The following SEMA5B variants were observed in gnomAD, a reference collection of about 807,000 sequenced individuals.
SEMA5B encodes semaphorin-5B.
A neutral mutation model predicts 135.0 loss-of-function variants in SEMA5B; 66 were observed. That is an observed-to-expected ratio of 0.49 (90% CI 0.40 to 0.60). SEMA5B has a LOEUF of 0.60. Ranked by LOEUF, SEMA5B falls within the 20% of genes least tolerant of loss-of-function variation. SEMA5B has a pLI of 0.00. For missense variants in SEMA5B, 1,501 were observed against 1,566.3 expected (o/e 0.96, Z 0.70); for synonymous variants, 690 against 639.5 (o/e 1.08, Z -1.19).
At chr3:122,916,420 G>T (rs991962466) in intron 12 of SEMA5B, among the ~76,000 whole-genome samples, 1 of 152,062 alleles carries the variant, frequency 6.6e-6, no homozygotes, top group African/African-American at 2.4e-5. Flanking sequence ...ACCAATACCC[G>T]AGCCCACCCC....
At chr3:122,956,310 T>TGAATGCACGCGCATGTGTGTGAGA (rs1940300471) in intron 2 of SEMA5B, among the ~76,000 whole-genome samples, 1 of 152,208 alleles carries the variant, frequency 6.6e-6, no homozygotes, top group Non-Finnish European at 1.5e-5. Flanking sequence ...TGGAGGCGTG[T>TGAATGCACGCGCATGTGTGTGAGA]GAATGCACGC....
At chr3:122,980,456 G>C (rs1274100102) in intron 1 of SEMA5B, among the ~76,000 whole-genome samples, 3 of 127,222 alleles carry the variant, frequency 2.4e-5, no homozygotes, top group African/African-American at 1.1e-4. Context: ...GTGAAAAGCC[G>C]TGTCAAAAAA....
intron 1 of SEMA5B, among the ~76,000 whole-genome samples, chr3:123,012,323 C>T (rs978231451): frequency 2.0e-5 from 3 of 152,196 alleles, no homozygotes; most frequent in Admixed American, 2.0e-4. Context: ...CTTCTTATGC[C>T]TTCTCCCCCA....
chr3:122,946,408 C>G (rs913033610), intron 3 of SEMA5B, among the ~76,000 whole-genome samples: 6 of 152,116 alleles, frequency 3.9e-5, no homozygotes, highest in African/African-American at 1.4e-4. Flanking sequence ...GAGGGAAACT[C>G]ACAGTTACAA....
intron 1 of SEMA5B, among the ~76,000 whole-genome samples, chr3:123,005,095 CCTT>C (rs1445628850): frequency 6.6e-6 from 1 of 152,158 alleles, no homozygotes; most frequent in East Asian, 1.9e-4. Flanking sequence ...AGCACTCACT[CCTT>C]CTAGGGATGA....
rs185218900 is a variant in SEMA5B, at chr3:122,940,956, C to T, written c.429-1486G>A. Reference sequence around the variant, plus strand: ...ACAAATTAGGGGAAACATTGCATCACTTTATTCATTTTTATCCCATCAAAA... The same window carrying T: ...ACAAATTAGGGGAAACATTGCATCATTTTATTCATTTTTATCCCATCAAAA... On this transcript the variant is annotated intron_variant, in intron 4 of 22. Coordinates refer to ENST00000357599, the MANE Select transcript of SEMA5B (RefSeq NM_001031702.4). Among the ~76,000 whole-genome samples the T allele has an allele frequency of 3.1e-4, 47 of 152,332 alleles. 1 individual carries two copies. The South Asian group carries it at 9.1e-3, about 30-fold the overall frequency.
In SEMA5B at chr3:122,948,020, T is replaced by C. The variant is rs186278120; in HGVS notation, c.328+486A>G. Among the ~76,000 whole-genome samples, 17 of 152,310 alleles carry C rather than the reference T, an allele frequency of 1.1e-4. No individual in the cohort carries two copies. In the East Asian group the frequency reaches 2.7e-3, roughly 24 times the overall value. ...GATCCCAGTTTGGGAAACACTTTCA[T>C]AGGACTTTCTCATACCCTCCCTTGA... On this transcript the variant is annotated intron_variant, in intron 3 of 22. Coordinates refer to ENST00000357599, the MANE Select transcript of SEMA5B (RefSeq NM_001031702.4).
intron 1 of SEMA5B, among the ~76,000 whole-genome samples, chr3:122,988,847 G>T (rs1405166225): frequency 6.6e-6 from 1 of 152,262 alleles, no homozygotes; most frequent in Non-Finnish European, 1.5e-5. Flanking sequence ...CGAAGCCAGA[G>T]ACACATCACC....
chr3:122,979,579 A>ATGGCAGCCTTAAGGGAGAGGGGGAT (rs1204766226), intron 1 of SEMA5B, among the ~76,000 whole-genome samples: 1 of 152,124 alleles, frequency 6.6e-6, no homozygotes, highest in East Asian at 1.9e-4. Context: ...ATGTTACCCT[A>ATGGCAGCCTTAAGGGAGAGGGGGAT]TGGCAGCCTT....
chr3:122,918,469 T>C (rs921094094), intron 12 of SEMA5B, among the ~76,000 whole-genome samples: 6 of 152,212 alleles, frequency 3.9e-5, no homozygotes, highest in Non-Finnish European at 8.8e-5. Context: ...AACTCTGCTG[T>C]GTACCCATGG....
At chr3:122,956,435 T>C (rs1940308737) in intron 2 of SEMA5B, among the ~76,000 whole-genome samples, 1 of 152,150 alleles carries the variant, frequency 6.6e-6, no homozygotes, top group Non-Finnish European at 1.5e-5. Context: ...GAGGGTTTGC[T>C]GTAACAGGGG....
At chr3:123,000,687 G>A (rs1576401733) in intron 1 of SEMA5B, among the ~76,000 whole-genome samples, 1 of 152,206 alleles carries the variant, frequency 6.6e-6, no homozygotes, top group African/African-American at 2.4e-5. Context: ...CAAACCTACT[G>A]TGACTCCAGC....
chr3:122,964,830 G>A (rs1940749641), intron 1 of SEMA5B, among the ~76,000 whole-genome samples: 2 of 152,166 alleles, frequency 1.3e-5, no homozygotes, highest in Non-Finnish European at 1.5e-5. Context: ...GCCACTCAGG[G>A]TGACAGAGCC....
intron 2 of SEMA5B, among the ~76,000 whole-genome samples, chr3:122,955,180 A>G (rs924624689): frequency 1.3e-5 from 2 of 151,868 alleles, no homozygotes; most frequent in African/African-American, 2.4e-5. Flanking sequence ...ATGCTAAGCT[A>G]GGTGGAACCT....
chr3:122,915,781 C>A lies in SEMA5B; in HGVS notation c.1798G>T (p.Ala600Ser), dbSNP rs778780943. The A allele has an allele frequency of 3.7e-6, 6 of 1,613,808 alleles. No individual in the cohort carries two copies. Among genetic ancestry groups the A allele is most frequent in the Non-Finnish European group, 4.2e-6 (5 of 1,179,744 alleles). The change falls in exon 13 of 23, where the codon GCC becomes TCC. Residue 600 changes from alanine to serine, a missense_variant. Transcript: ENST00000357599. The stretch of plus-strand genomic sequence containing the variant: ...CACAAGGGGATTCTCACAGGACAGG[C>A]GGTGATGTTCTGGGTCCAGAGGCTC... ...NMSLWTQNITACPVRNVTRDG... is the reference protein window; with the variant it reads ...NMSLWTQNITSCPVRNVTRDG...
intron 1 of SEMA5B, among the ~76,000 whole-genome samples, chr3:122,985,459 G>A (rs566201144): frequency 9.9e-5 from 15 of 151,728 alleles, no homozygotes; most frequent in Non-Finnish European, 1.6e-4. Context: ...AACTATGATT[G>A]CACCACTGCA....
chr3:122,983,768 A>G (rs56239820), intron 1 of SEMA5B, among the ~76,000 whole-genome samples: 7,917 of 143,218 alleles, frequency 0.055, 709 homozygotes, highest in African/African-American at 0.18. Flanking sequence ...ATTGGAGGCT[A>G]CTGATGTTTA....
rs193025193 is a variant in SEMA5B, at chr3:123,006,195, T to C, written c.-39+21269A>G. ...ATCTTTGCGTCTCCAATGTCTGGTG[T>C]TGGTAAATGACCCCTGAGAGGTGGC... On this transcript the variant is annotated intron_variant, in intron 1 of 22. Transcript: ENST00000357599. Among the ~76,000 whole-genome samples the C allele has an allele frequency of 1.3e-3, 198 of 152,296 alleles. 1 individual carries two copies. Among genetic ancestry groups the C allele is most frequent in the Non-Finnish European group, 1.1e-3 (72 of 68,028 alleles).
chr3:122,928,145 T>C, intron 7 of SEMA5B, 142 bp from the exon 8 acceptor site: 1 of 600,460 alleles, frequency 1.7e-6, no homozygotes, highest in East Asian at 3.1e-5. Flanking sequence ...GCTCAGCTCA[T>C]GGTCCCTCTG....
Sources: allele counts gnomAD v4.1 joint callset (sites outside exome capture counted in the v4.1 genomes callset), GRCh38; gene constraint gnomAD v4.1.1; transcripts MANE v1.5; gene names NCBI Gene and HGNC (gene_info 2026-07-23, HGNC 2026-07-21).